Variants in C10orf67 observed in about 807,000 individuals in gnomAD.
C10orf67 encodes chromosome 10 open reading frame 67.
A neutral mutation model predicts 35.6 loss-of-function variants in C10orf67; 60 were observed. The ratio of observed to expected loss-of-function variants is 1.68; its 90% confidence interval spans 1.37 to 2.09. The LOEUF is 2.09. Among genes scored for constraint, C10orf67 ranks in the 30% most tolerant of loss-of-function variants. C10orf67 has a pLI of 0.00. For synonymous variants in C10orf67, 167 were observed against 115.8 expected, an observed-to-expected ratio of 1.44 and a Z score of -2.84; for missense variants, 474 against 330.2, an observed-to-expected ratio of 1.44 and a Z score of -3.38.
At chr10:23,210,881 C>T (rs1452091503) in intron 15 of C10orf67, among the ~76,000 whole-genome samples, 3 of 152,300 alleles carry the variant, frequency 2.0e-5, no homozygotes, top group South Asian at 4.1e-4. Flanking sequence ...GGGAACATAT[C>T]TCTTTTATGG....
intron 15 of C10orf67, among the ~76,000 whole-genome samples, chr10:23,207,629 G>C (rs1841193620): frequency 6.6e-6 from 1 of 152,176 alleles, no homozygotes; most frequent in Non-Finnish European, 1.5e-5. Context: ...CCCTTCTGGA[G>C]AGTAATAAAC....
chr10:23,259,094 C>G (rs1318066800), intron 10 of C10orf67, among the ~76,000 whole-genome samples: 1 of 152,226 alleles, frequency 6.6e-6, no homozygotes, highest in East Asian at 1.9e-4. Flanking sequence ...TTTTTACTTG[C>G]TTTTTTATCA....
chr10:23,276,720 T>C (rs1402003967), intron 8 of C10orf67, among the ~76,000 whole-genome samples: 1 of 152,128 alleles, frequency 6.6e-6, no homozygotes, highest in Non-Finnish European at 1.5e-5. Flanking sequence ...CAACACTAGA[T>C]ATTGCCCATG....
rs1844158393 is a variant in C10orf67, at chr10:23,303,364, T to G, written c.642A>C (p.Glu214Asp). ...ILLRKLKEKE[E>D]VIKELKEELD... is the part of the protein sequence containing the mutation. Reference sequence around the variant, plus strand: ...GTTCTTCTTTTAATTCTTTAATAACTTCTTCTTTCTCTTTCAGTTTTCTTA... The same window carrying G: ...GTTCTTCTTTTAATTCTTTAATAACGTCTTCTTTCTCTTTCAGTTTTCTTA... The change falls in exon 5 of 16, where the codon GAA becomes GAC. Residue 214 changes from glutamate (E) to aspartate (D), a missense_variant. Transcript: ENST00000636213. 1.1e-5 allele frequency: 7 copies of G among 646,214 alleles called. No individual in the cohort carries two copies. The East Asian group carries it at 1.7e-4, about 16-fold the overall frequency. 40.0% of individuals were successfully genotyped at this position (646,214 alleles called of 1,614,324 possible).
At chr10:23,223,454 G>T in intron 15 of C10orf67, 144 bp downstream of exon 15, 1 of 645,114 alleles carries the variant, frequency 1.6e-6, no homozygotes. Context: ...GTTTATCTGT[G>T]CAATAATTTT....
intron 2 of C10orf67, among the ~76,000 whole-genome samples, chr10:23,329,808 A>AAAAAAAAAG (rs1845368346): frequency 6.7e-6 from 1 of 150,060 alleles, no homozygotes; most frequent in African/African-American, 2.4e-5. Context: ...AAAAAAAAAA[A>AAAAAAAAAG]AAAAAAAAGA....
chr10:23,309,368 AT>A (rs1413460753), intron 4 of C10orf67, among the ~76,000 whole-genome samples: 4 of 152,192 alleles, frequency 2.6e-5, no homozygotes, highest in African/African-American at 4.8e-5. Flanking sequence ...GACGAAAATA[AT>A]GGACACTGGG....
chr10:23,208,756 C>T (rs1841225564), intron 15 of C10orf67, among the ~76,000 whole-genome samples: 1 of 152,182 alleles, frequency 6.6e-6, no homozygotes, highest in Admixed American at 6.5e-5. Flanking sequence ...CACATTGACT[C>T]TGGTCTTGGC....
At chr10:23,292,264 T>TAA (rs201970584) in intron 5 of C10orf67, among the ~76,000 whole-genome samples, 3 of 140,978 alleles carry the variant, frequency 2.1e-5, no homozygotes, top group South Asian at 2.2e-4. Context: ...TGCCATGCAT[T>TAA]AAAAAAAAAA....
At chr10:23,322,282 A>G in intron 3 of C10orf67, 112 bp downstream of exon 3, 1 of 1,146,564 alleles carries the variant, frequency 8.7e-7, no homozygotes, top group Non-Finnish European at 1.2e-6. Flanking sequence ...ATGAGACACA[A>G]CTAATGCAAA....
At chr10:23,313,199 A>G (rs1158008606) in intron 4 of C10orf67, among the ~76,000 whole-genome samples, 1 of 152,224 alleles carries the variant, frequency 6.6e-6, no homozygotes, top group African/African-American at 2.4e-5. Flanking sequence ...CAAACCTCCA[A>G]TGTGGACTGT....
At chr10:23,245,474 G>A (rs1465922159) in intron 12 of C10orf67, among the ~76,000 whole-genome samples, 1 of 152,162 alleles carries the variant, frequency 6.6e-6, no homozygotes, top group Non-Finnish European at 1.5e-5. Flanking sequence ...TCTGATAAGG[G>A]GTTAATATCC....
At chr10:23,301,772 C>T (rs1370078544) in intron 5 of C10orf67, among the ~76,000 whole-genome samples, 1 of 152,206 alleles carries the variant, frequency 6.6e-6, no homozygotes, top group African/African-American at 2.4e-5. Flanking sequence ...GGAATGGAAT[C>T]TTGGGCCATG....
Position 23,333,155 on chromosome 10 carries a change from A to G in C10orf67, c.234T>C (p.Ile78=). 2 of 1,605,692 alleles carry G rather than the reference A, an allele frequency of 1.2e-6. No homozygotes were observed. The highest frequency in any genetic ancestry group is 1.7e-6 in the Non-Finnish European group (2 of 1,174,102). The change falls in exon 2 of 16, where the codon ATT becomes ATC. Residue 78 remains isoleucine, a synonymous_variant. Transcript: ENST00000636213. ...TRLNISDDLK[I]GFFSTDHATQ... is the part of the protein sequence containing the mutation. The stretch of plus-strand genomic sequence containing the variant: ...TGGCATGGTCTGTGCTGAAAAAGCC[A>G]ATCTTTAAATCATCTGAAATGTTAA...
At chr10:23,249,808 T>C (rs1842403509) in intron 12 of C10orf67, among the ~76,000 whole-genome samples, 1 of 152,156 alleles carries the variant, frequency 6.6e-6, no homozygotes, top group Non-Finnish European at 1.5e-5. Flanking sequence ...CAAAAGAACT[T>C]CCCATACATG....
At chr10:23,227,467 C>T (rs1841772387) in intron 13 of C10orf67, among the ~76,000 whole-genome samples, 1 of 152,210 alleles carries the variant, frequency 6.6e-6, no homozygotes, top group Admixed American at 6.5e-5. Context: ...TATGACAAAC[C>T]CACAGCCAAT....
chr10:23,324,437 C>CCT (rs952920799), intron 2 of C10orf67, among the ~76,000 whole-genome samples: 9 of 151,332 alleles, frequency 5.9e-5, no homozygotes, highest in African/African-American at 1.7e-4. Context: ...ACTGGTTTCA[C>CCT]CTCTCTCTCT....
At chr10:23,257,362 T>A (rs1405489093) in intron 10 of C10orf67, among the ~76,000 whole-genome samples, 1 of 152,164 alleles carries the variant, frequency 6.6e-6, no homozygotes, top group Non-Finnish European at 1.5e-5. Flanking sequence ...AGCAGTGCAC[T>A]ACTGAGGCAT....
intron 6 of C10orf67, 114 bp downstream of exon 6, chr10:23,291,018 C>A: frequency 1.7e-6 from 1 of 591,726 alleles, no homozygotes. Context: ...TGAAATTCAT[C>A]TTTCAAATGT....
Sources: gnomAD v4.1 joint callset for allele counts (sites outside exome capture counted in the v4.1 genomes callset) on GRCh38, gnomAD v4.1.1 for gene constraint, MANE v1.5 for transcripts, NCBI Gene and HGNC (gene_info 2026-07-23, HGNC 2026-07-21) for gene names.